GALNTL6: variants seen among roughly 807,000 people sequenced by gnomAD.
GALNTL6 encodes the protein polypeptide N-acetylgalactosaminyltransferase like 6.
GALNTL6 carries 46 observed loss-of-function variants against 73.7 expected under a neutral mutation model. The observed-to-expected ratio is 0.62, with a 90% CI of 0.49 to 0.80. The LOEUF (loss-of-function observed/expected upper bound fraction) is 0.80. GALNTL6 is among the 30% of genes least tolerant of loss of function. The pLI, the probability that GALNTL6 is intolerant of heterozygous loss-of-function variation, is 0.00. For missense variants in GALNTL6, 604 were observed against 755.0 expected (o/e 0.80, Z 2.34); for synonymous variants, 259 against 263.7 (o/e 0.98, Z 0.17).
intron 5 of GALNTL6, among the ~76,000 whole-genome samples, chr4:172,501,805 C>T (rs72995078): frequency 0.02 from 3,009 of 152,188 alleles, 94 homozygotes; most frequent in African/African-American, 0.065. Flanking sequence ...GTATAAGCCT[C>T]CTATAGTTGA....
chr4:172,599,039 G>T (rs1455313582), intron 5 of GALNTL6, among the ~76,000 whole-genome samples: 1 of 152,156 alleles, frequency 6.6e-6, no homozygotes. Context: ...GGAAAGGAGA[G>T]CCTGTCAGCT....
intron 5 of GALNTL6, among the ~76,000 whole-genome samples, chr4:172,410,777 T>A (rs1346265262): frequency 6.6e-6 from 1 of 152,140 alleles, no homozygotes; most frequent in Non-Finnish European, 1.5e-5. Flanking sequence ...TGTACTGGGC[T>A]TTTTTATTGG....
At chr4:172,766,530 C>T (rs892264069) in intron 5 of GALNTL6, among the ~76,000 whole-genome samples, 26 of 152,140 alleles carry the variant, frequency 1.7e-4, no homozygotes, top group African/African-American at 1.7e-4. Context: ...AGAATAGTTA[C>T]TTAAATGTCC....
chr4:172,154,389 C>T lies in GALNTL6; in HGVS notation c.139-75267C>T, dbSNP rs547917419. On this transcript the variant is annotated intron_variant, in intron 2 of 12. Coordinates refer to ENST00000506823, the MANE Select transcript of GALNTL6 (RefSeq NM_001034845.3). Reference sequence around the variant, plus strand: ...CTGGGACTACAGGCATGCTCCACCACGCCCGGCTAATTTTGTATTTGTAGT... The same window carrying T: ...CTGGGACTACAGGCATGCTCCACCATGCCCGGCTAATTTTGTATTTGTAGT... Among the ~76,000 whole-genome samples, 7 of 152,088 alleles carry T rather than the reference C, an allele frequency of 4.6e-5. No individual in the cohort carries two copies. In the South Asian group the frequency reaches 1.2e-3, roughly 27 times the overall value.
chr4:172,827,826 C>T (rs1484852252), intron 7 of GALNTL6, among the ~76,000 whole-genome samples: 1 of 152,046 alleles, frequency 6.6e-6, no homozygotes, highest in Non-Finnish European at 1.5e-5. Context: ...AAAATTTTAT[C>T]AATAATACTT....
intron 2 of GALNTL6, among the ~76,000 whole-genome samples, chr4:171,985,987 G>A (rs1214458584): frequency 2.3e-5 from 3 of 131,656 alleles, no homozygotes; most frequent in African/African-American, 5.8e-5. Context: ...GCAGTGAGCC[G>A]AGAATGCACC....
chr4:172,585,202 T>G (rs1737355436), intron 5 of GALNTL6, among the ~76,000 whole-genome samples: 2 of 152,216 alleles, frequency 1.3e-5, no homozygotes, highest in South Asian at 4.1e-4. Flanking sequence ...TTTATATCCT[T>G]TGGGAACTTA....
intron 5 of GALNTL6, among the ~76,000 whole-genome samples, chr4:172,589,555 C>A (rs1034019341): frequency 1.3e-5 from 2 of 152,184 alleles, no homozygotes; most frequent in South Asian, 2.1e-4. Context: ...ACCAATTGAT[C>A]TAATGTCATA....
At chr4:172,242,446 A>G (rs1308867539) in intron 3 of GALNTL6, among the ~76,000 whole-genome samples, 2 of 152,118 alleles carry the variant, frequency 1.3e-5, no homozygotes, top group African/African-American at 4.8e-5. Context: ...TTTAACTCAA[A>G]ATATTGTCAC....
chr4:171,864,133 G>T (rs1288772823), intron 2 of GALNTL6, among the ~76,000 whole-genome samples: 1 of 152,204 alleles, frequency 6.6e-6, no homozygotes, highest in Non-Finnish European at 1.5e-5. Flanking sequence ...TTGATTATTT[G>T]TGAAAATATA....
chr4:171,953,471 G>C lies in GALNTL6; in HGVS notation c.138+138753G>C, dbSNP rs549377653. On this transcript the variant is annotated intron_variant, in intron 2 of 12. Transcript: ENST00000506823. ...TTGATCAGAATTGGCATTGCAAATA[G>C]GTGAAAAAGAGATGAAACATTCAAT... 2.0e-5 allele frequency among the ~76,000 whole-genome samples: 3 copies of C among 152,152 alleles called. No homozygotes were observed. The East Asian group carries it at 5.8e-4, about 29-fold the overall frequency.
At chr4:171,984,775 C>A (rs1020808991) in intron 2 of GALNTL6, among the ~76,000 whole-genome samples, 8 of 152,032 alleles carry the variant, frequency 5.3e-5, no homozygotes, top group Admixed American at 4.6e-4. Flanking sequence ...TGAGTATAGT[C>A]TGGGTCCCAT....
chr4:172,287,221 G>A (rs1739290573), intron 3 of GALNTL6, among the ~76,000 whole-genome samples: 2 of 152,286 alleles, frequency 1.3e-5, no homozygotes, highest in South Asian at 2.1e-4. Context: ...AATGGAAGAG[G>A]AATGTATCCA....
chr4:172,484,412 G>A (rs1461422686), intron 5 of GALNTL6, among the ~76,000 whole-genome samples: 1 of 152,176 alleles, frequency 6.6e-6, no homozygotes, highest in Admixed American at 6.5e-5. Flanking sequence ...AGTGTAACAG[G>A]AAGTATATTT....
chr4:171,955,341 A>C (rs1739008986), intron 2 of GALNTL6, among the ~76,000 whole-genome samples: 1 of 150,376 alleles, frequency 6.6e-6, no homozygotes, highest in Non-Finnish European at 1.5e-5. Context: ...TTTTATTTGT[A>C]TAAAATATAT....
intron 7 of GALNTL6, among the ~76,000 whole-genome samples, chr4:172,861,359 TG>T (rs1744387380): frequency 8.5e-6 from 1 of 117,680 alleles, no homozygotes; most frequent in African/African-American, 2.8e-5. Context: ...GTGTGTGTTC[TG>T]TCAGTCATTT....
chr4:172,357,727 C>A (rs1742215120), intron 5 of GALNTL6, among the ~76,000 whole-genome samples: 1 of 150,658 alleles, frequency 6.6e-6, no homozygotes, highest in Admixed American at 6.6e-5. Context: ...CACAAAAAAA[C>A]CTGACTGCAA....
chr4:171,902,700 G>C (rs770330737), intron 2 of GALNTL6, among the ~76,000 whole-genome samples: 1 of 152,094 alleles, frequency 6.6e-6, no homozygotes, highest in African/African-American at 2.4e-5. Flanking sequence ...GAATTTTCAG[G>C]GTTCAGAATT....
chr4:172,081,933 A>T (rs1330724888), intron 2 of GALNTL6, among the ~76,000 whole-genome samples: 1 of 151,292 alleles, frequency 6.6e-6, no homozygotes, highest in East Asian at 2.0e-4. Flanking sequence ...CTAGAGTGCA[A>T]TGGCTCAATC....
Sources: allele counts gnomAD v4.1 joint callset (sites outside exome capture counted in the v4.1 genomes callset), GRCh38; gene constraint gnomAD v4.1.1; transcripts MANE v1.5; gene names NCBI Gene and HGNC (gene_info 2026-07-23, HGNC 2026-07-21).